SHC4: variants seen among roughly 807,000 people sequenced by gnomAD.
SHC4 encodes SHC adaptor protein 4, also known as SHC-transforming protein 4.
In SHC4, 41 loss-of-function variants were observed where a neutral mutation model predicts 69.4. The ratio of observed to expected loss-of-function variants is 0.59; its 90% CI spans 0.46 to 0.77. The LOEUF (loss-of-function observed/expected upper bound fraction) is 0.77, where lower values mean the gene tolerates loss of function less well. Among genes scored for constraint, SHC4 ranks in the 30% least tolerant of loss-of-function variants. SHC4 has a pLI of 0.00. For synonymous variants in SHC4, 318 were observed against 299.3 expected (o/e 1.06, Z -0.64); for missense variants, 777 against 783.8 (o/e 0.99, Z 0.10).
intron 1 of SHC4, among the ~76,000 whole-genome samples, chr15:48,941,185 T>G (rs144793468): frequency 5.1e-4 from 77 of 152,222 alleles, no homozygotes; most frequent in African/African-American, 1.8e-3. Context: ...ACAAAGCGAA[T>G]CAGAAGAGTA....
chr15:48,930,637 T>C (rs1242238927), intron 1 of SHC4, among the ~76,000 whole-genome samples: 2 of 152,070 alleles, frequency 1.3e-5, no homozygotes, highest in African/African-American at 2.4e-5. Context: ...ACCCTGTCTG[T>C]AAATAAAAAA....
intron 2 of SHC4, among the ~76,000 whole-genome samples, chr15:48,894,030 T>C (rs1900180642): frequency 6.6e-6 from 1 of 152,210 alleles, no homozygotes; most frequent in Admixed American, 6.5e-5. Context: ...GCATTGAGTA[T>C]ATAAGTAAAA....
At chr15:48,878,731 TAG>T (rs750781501) in intron 4 of SHC4, 19 of 1,612,502 alleles carry the variant, frequency 1.2e-5, no homozygotes, top group Admixed American at 1.2e-4. Context: ...AGATTATTGA[TAG>T]AGAGTAGTTA....
At chr15:48,836,927 A>C (rs1264444533) in intron 10 of SHC4, among the ~76,000 whole-genome samples, 2 of 152,240 alleles carry the variant, frequency 1.3e-5, no homozygotes, top group South Asian at 4.1e-4. Context: ...TGCCAGAAAT[A>C]GCCTGACAAA....
intron 5 of SHC4, among the ~76,000 whole-genome samples, chr15:48,870,205 A>G (rs1038353252): frequency 4.6e-5 from 7 of 152,192 alleles, no homozygotes; most frequent in Non-Finnish European, 1.0e-4. Context: ...GGGAGAAGAG[A>G]AAGTGCTGGT....
intron 2 of SHC4, among the ~76,000 whole-genome samples, chr15:48,901,183 G>A (rs573952984): frequency 3.3e-5 from 5 of 152,250 alleles, no homozygotes; most frequent in East Asian, 1.9e-4. Context: ...TGGCAAAATC[G>A]AAATCAGGTA....
At chr15:48,865,810 T>C (rs183427873) in intron 6 of SHC4, among the ~76,000 whole-genome samples, 2 of 152,072 alleles carry the variant, frequency 1.3e-5, no homozygotes, top group African/African-American at 4.8e-5. Flanking sequence ...TCCCCAGGGG[T>C]CCTCTTCAAG....
At position 48,920,312 on chromosome 15, in the gene SHC4, C is replaced by T. The variant is rs537181418; in HGVS notation, c.656+4567G>A. ...CTGGGATTACAGGCGTGAGCCACTG[C>T]GCCTGGCATGGGAATTCCAATTACC... is the stretch of plus-strand genomic sequence containing the variant. On this transcript the variant is annotated intron_variant, in intron 2 of 11. Coordinates refer to ENST00000332408, the MANE Select transcript of SHC4 (RefSeq NM_203349.4). Among the ~76,000 whole-genome samples, 26 of 152,096 alleles carry T rather than the reference C, an allele frequency of 1.7e-4. No individual in the cohort carries two copies. In the South Asian group the frequency reaches 4.2e-3, roughly 24 times the overall value.
intron 2 of SHC4, among the ~76,000 whole-genome samples, chr15:48,924,226 A>T (rs533047728): frequency 6.6e-6 from 1 of 151,580 alleles, no homozygotes; most frequent in African/African-American, 2.4e-5. Flanking sequence ...CTCTCACCTC[A>T]TCTCCCTCAC....
chr15:48,950,393 T>G (rs1595768081), intron 1 of SHC4, among the ~76,000 whole-genome samples: 1 of 152,062 alleles, frequency 6.6e-6, no homozygotes, highest in East Asian at 1.9e-4. Context: ...CTCCACCAGA[T>G]AGAAGACATA....
chr15:48,884,890 C>T (rs1361003651), intron 3 of SHC4, among the ~76,000 whole-genome samples: 1 of 152,134 alleles, frequency 6.6e-6, no homozygotes, highest in Non-Finnish European at 1.5e-5. Flanking sequence ...AATCATGATG[C>T]CTGAAATTCT....
intron 3 of SHC4, 90 bp downstream of exon 3, chr15:48,890,658 G>A: frequency 2.8e-6 from 4 of 1,452,784 alleles, no homozygotes; most frequent in Non-Finnish European, 3.9e-6. Flanking sequence ...CTGGACCTTG[G>A]TCATATGGTG....
chr15:48,902,596 G>GA (rs1372264789), intron 2 of SHC4, among the ~76,000 whole-genome samples: 2 of 152,102 alleles, frequency 1.3e-5, no homozygotes, highest in Non-Finnish European at 2.9e-5. Context: ...TCCTTACACA[G>GA]AAATTGTGCT....
At chr15:48,844,709 AC>A (rs1899055015) in intron 9 of SHC4, among the ~76,000 whole-genome samples, 1 of 152,146 alleles carries the variant, frequency 6.6e-6, no homozygotes, top group Non-Finnish European at 1.5e-5. Context: ...GGTGGAGATA[AC>A]TGAATCATGG....
intron 1 of SHC4, among the ~76,000 whole-genome samples, chr15:48,942,493 A>AT (rs1265926362): frequency 6.6e-6 from 1 of 152,066 alleles, no homozygotes; most frequent in Non-Finnish European, 1.5e-5. Flanking sequence ...AAAAAAAAAA[A>AT]CTCAGCATTT....
At chr15:48,929,583 A>T (rs1900917068) in intron 1 of SHC4, among the ~76,000 whole-genome samples, 2 of 152,198 alleles carry the variant, frequency 1.3e-5, no homozygotes, top group African/African-American at 4.8e-5. Flanking sequence ...AAGTGAAAAG[A>T]GGAGTTATCC....
intron 1 of SHC4, among the ~76,000 whole-genome samples, chr15:48,928,789 C>A (rs1394143662): frequency 6.6e-6 from 1 of 152,090 alleles, no homozygotes; most frequent in Non-Finnish European, 1.5e-5. Context: ...ACAGGTGACT[C>A]CCTGTTGCAG....
At chr15:48,905,026 T>C (rs1378700356) in intron 2 of SHC4, among the ~76,000 whole-genome samples, 1 of 151,884 alleles carries the variant, frequency 6.6e-6, no homozygotes, top group Non-Finnish European at 1.5e-5. Flanking sequence ...CCTGACCTAA[T>C]TGTCCAAGAG....
chr15:48,942,121 A>T (rs939311838), intron 1 of SHC4, among the ~76,000 whole-genome samples: 3 of 152,138 alleles, frequency 2.0e-5, no homozygotes, highest in African/African-American at 7.2e-5. Flanking sequence ...TCAGGATTAC[A>T]TCACAGGGTC....
Sources: allele counts gnomAD v4.1 joint callset (sites outside exome capture counted in the v4.1 genomes callset), GRCh38; gene constraint gnomAD v4.1.1; transcripts MANE v1.5; gene names NCBI Gene and HGNC (gene_info 2026-07-23, HGNC 2026-07-21).